RXRA: variants seen among roughly 807,000 people sequenced by gnomAD.
RXRA encodes the protein retinoid X receptor alpha.
RXRA carries 5 observed loss-of-function variants against 44.5 expected under a neutral mutation model. The ratio of observed to expected loss-of-function variants is 0.11; its 90% CI spans 0.06 to 0.24. RXRA has a LOEUF of 0.24. RXRA is among the 10% of genes least tolerant of loss of function. The pLI is 1.00. For missense variants in RXRA, 412 were observed against 646.5 expected (o/e 0.64, Z 3.93); for synonymous variants, 291 against 271.4 (o/e 1.07, Z -0.71).
At position 134,360,590 on chromosome 9, in the gene RXRA, C is replaced by T. The variant is rs138473707; in HGVS notation, c.28+33931C>T. Among the ~76,000 whole-genome samples the T allele has an allele frequency of 5.9e-3, 901 of 152,378 alleles. 15 individuals carry two copies. The highest frequency in any genetic ancestry group is 0.02 in the African/African-American group (841 of 41,598). ...GTGCAGGTCGCTCGCGGTTACCTGC[C>T]GCTTGCTGGTCTGCGGGAGGCTCTT... On this transcript the variant is annotated intron_variant, in intron 1 of 9. Coordinates refer to ENST00000481739, the MANE Select transcript of RXRA (RefSeq NM_002957.6).
chr9:134,435,400 C>G (rs1480477160), intron 9 of RXRA, among the ~76,000 whole-genome samples: 3 of 150,850 alleles, frequency 2.0e-5, no homozygotes, highest in Non-Finnish European at 4.4e-5. Context: ...CTCCCGCCCC[C>G]CCACTGGTCC....
At chr9:134,340,907 G>A (rs997812670) in intron 1 of RXRA, among the ~76,000 whole-genome samples, 3 of 152,242 alleles carry the variant, frequency 2.0e-5, no homozygotes, top group African/African-American at 4.8e-5. Flanking sequence ...ACCCTGGAAA[G>A]GCCTCGCAGG....
chr9:134,415,378 G>A (rs920481218), intron 4 of RXRA, among the ~76,000 whole-genome samples: 50 of 152,036 alleles, frequency 3.3e-4, no homozygotes, highest in African/African-American at 8.7e-4. Flanking sequence ...AGAAAGTGGC[G>A]GCTGACACCG....
At chr9:134,363,133 C>A (rs1003334740) in intron 1 of RXRA, among the ~76,000 whole-genome samples, 1 of 152,236 alleles carries the variant, frequency 6.6e-6, no homozygotes, top group Admixed American at 6.5e-5. Context: ...GTGCCATGTT[C>A]TCCCTGTGCC....
At chr9:134,382,522 A>G (rs1830661791) in intron 1 of RXRA, among the ~76,000 whole-genome samples, 3 of 152,142 alleles carry the variant, frequency 2.0e-5, no homozygotes, top group Non-Finnish European at 4.4e-5. Flanking sequence ...CTGGACTGGC[A>G]AGGTGGACCA....
rs1831150193 is a variant in RXRA at position 134,411,642 on chromosome 9, G to A, written c.610+2523G>A. Among the ~76,000 whole-genome samples, 2 of 152,214 alleles carry A rather than the reference G, an allele frequency of 1.3e-5. 1 individual carries two copies. The highest frequency in any genetic ancestry group is 4.1e-4 in the South Asian group (2 of 4,838). On this transcript the variant is annotated intron_variant, in intron 4 of 9. Transcript: ENST00000481739. Reference sequence around the variant, plus strand: ...GAGAGAAACTGCTGCTGCTGTCAAGGGACCTCCTCCCCTTTGCCTCCAGCA... The same window carrying A: ...GAGAGAAACTGCTGCTGCTGTCAAGAGACCTCCTCCCCTTTGCCTCCAGCA...
At chr9:134,400,980 G>C (rs1386279263) in intron 1 of RXRA, among the ~76,000 whole-genome samples, 1 of 152,204 alleles carries the variant, frequency 6.6e-6, no homozygotes. Context: ...CAGGCAGTGT[G>C]GCCTGCTGGT....
Position 134,349,529 on chromosome 9 carries a change from C to T in RXRA, c.28+22870C>T, listed in dbSNP as rs1455898604. ...GGTGGCTCGGCCCTGAAGCTCGTGG[C>T]GGGCAGGAGTGTGCACGGACAGGGA... On this transcript the variant is annotated intron_variant, in intron 1 of 9. Transcript: ENST00000481739. This position sits in a 1 kb window ranked among gnomAD's most constrained non-coding sequence, Gnocchi z 4.3. Among the ~76,000 whole-genome samples, 3 of 152,092 alleles carry T rather than the reference C, an allele frequency of 2.0e-5. No homozygotes were observed. Among genetic ancestry groups the T allele is most frequent in the East Asian group, 1.9e-4 (1 of 5,182 alleles).
At chr9:134,357,124 C>T (rs772205200) in intron 1 of RXRA, among the ~76,000 whole-genome samples, 4 of 152,236 alleles carry the variant, frequency 2.6e-5, no homozygotes, top group Non-Finnish European at 5.9e-5. Flanking sequence ...TCTGTGTCTC[C>T]GCAGCCTGTT....
chr9:134,348,684 C>T (rs534988512), intron 1 of RXRA, among the ~76,000 whole-genome samples: 2 of 152,318 alleles, frequency 1.3e-5, no homozygotes, highest in South Asian at 2.1e-4. Context: ...TACGCCCTGT[C>T]CTCGGGGTCC....
At chr9:134,367,330 G>T (rs949568231) in intron 1 of RXRA, among the ~76,000 whole-genome samples, 5 of 152,294 alleles carry the variant, frequency 3.3e-5, no homozygotes, top group African/African-American at 7.2e-5. Flanking sequence ...TCTGCGGTGG[G>T]GGGGAGGGTG....
intron 1 of RXRA, among the ~76,000 whole-genome samples, chr9:134,384,443 T>C (rs1830690254): frequency 6.6e-6 from 1 of 152,158 alleles, no homozygotes; most frequent in African/African-American, 2.4e-5. Context: ...ATGGCAGCAG[T>C]GGAGACACCA....
chr9:134,327,902 G>C (rs1472569118), intron 1 of RXRA, among the ~76,000 whole-genome samples: 1 of 152,184 alleles, frequency 6.6e-6, no homozygotes, highest in Non-Finnish European at 1.5e-5. Context: ...TGATGGAGTG[G>C]TGGGCTCGAG....
chr9:134,393,871 C>T (rs995626060), intron 1 of RXRA, among the ~76,000 whole-genome samples: 18 of 152,112 alleles, frequency 1.2e-4, no homozygotes, highest in African/African-American at 1.9e-4. Flanking sequence ...CTAACCCCAG[C>T]GCCCCTGGGC....
chr9:134,405,732 G>C (rs1434863165), intron 2 of RXRA: 1 of 152,654 alleles, frequency 6.6e-6, no homozygotes, highest in East Asian at 1.9e-4. Flanking sequence ...TGCTCCTCCA[G>C]CCTCTGGCCC....
chr9:134,367,441 G>A (rs975924957), intron 1 of RXRA, among the ~76,000 whole-genome samples: 17 of 152,170 alleles, frequency 1.1e-4, no homozygotes, highest in Admixed American at 2.6e-4. Flanking sequence ...TTTCTCTTGC[G>A]TCCCCACATG....
intron 8 of RXRA, among the ~76,000 whole-genome samples, chr9:134,432,583 A>G (rs1334359797): frequency 2.0e-5 from 3 of 151,976 alleles, no homozygotes; most frequent in Non-Finnish European, 4.4e-5. Flanking sequence ...CCTAGGTGCT[A>G]CTCCTTCGCC....
chr9:134,426,503 AG>A lies in RXRA; in HGVS notation c.911-2602del, dbSNP rs1831437192. The A allele has an allele frequency of 1.7e-5, 17 of 985,408 alleles. No homozygotes were observed. Among genetic ancestry groups the A allele is most frequent in the Non-Finnish European group, 1.9e-5 (16 of 829,916 alleles). The allele number at this position is 985,408 out of a possible 1,614,324, so 61.0% of individuals were successfully genotyped here. On this transcript the variant is annotated intron_variant, in intron 6 of 9. Transcript: ENST00000481739. The surrounding 1 kb of genome is among the most constrained non-coding windows in gnomAD (Gnocchi z 4.6). ...AGCTGAGATGCAGCCGGCGTGCCGGAGGGTGCAGAGAGAGACTCCGCACTGT... is the reference window on the plus strand; with the variant it reads ...AGCTGAGATGCAGCCGGCGTGCCGGAGGTGCAGAGAGAGACTCCGCACTGT...
intron 6 of RXRA, chr9:134,422,035 C>T: frequency 7.0e-7 from 1 of 1,430,486 alleles, no homozygotes. Flanking sequence ...TCCCTGGATG[C>T]TCCCATCTCC....
Sources: allele counts gnomAD v4.1 joint callset (sites outside exome capture counted in the v4.1 genomes callset), GRCh38; gene constraint gnomAD v4.1.1; non-coding constraint Gnocchi (gnomAD v3.1); transcripts MANE v1.5; gene names NCBI Gene and HGNC (gene_info 2026-07-23, HGNC 2026-07-21).